The following GPHN variants were observed in gnomAD, a reference collection of about 807,000 sequenced individuals.
GPHN encodes gephyrin.
In GPHN, 17 loss-of-function variants were observed where a neutral mutation model predicts 95.5. The ratio of observed to expected loss-of-function variants is 0.18; its 90% CI spans 0.12 to 0.27. The LOEUF (loss-of-function observed/expected upper bound fraction) is 0.27, where lower values mean the gene tolerates loss of function less well. Ranked by LOEUF, GPHN falls within the 10% of genes least tolerant of loss-of-function variation. The pLI is 1.00. For synonymous variants in GPHN, 320 were observed against 322.5 expected (o/e 0.99, Z 0.08); for missense variants, 660 against 978.1 (o/e 0.67, Z 4.34).
At chr14:67,305,596 A>C in the GPHN span, among the ~76,000 whole-genome samples, 3 of 152,190 alleles carry the variant, frequency 2.0e-5, no homozygotes, top group African/African-American at 4.8e-5. Flanking sequence ...ATGTTTTCTC[A>C]ACATTTTTTT....
the GPHN span, chr14:67,650,850 T>C: frequency 1.9e-6 from 3 of 1,614,200 alleles, no homozygotes; most frequent in Middle Eastern, 1.6e-4. Context: ...GGAGGGCATA[T>C]TGTCTATGAC....
At chr14:67,463,547 G>C in the GPHN span, among the ~76,000 whole-genome samples, 1 of 150,456 alleles carries the variant, frequency 6.6e-6, no homozygotes, top group Admixed American at 6.7e-5. Context: ...GCTGAGGCAG[G>C]AGAATCGCTT....
chr14:66,650,980 T>C (rs74700374), intron 1 of GPHN, among the ~76,000 whole-genome samples: 1,843 of 152,258 alleles, frequency 0.012, 22 homozygotes, highest in Non-Finnish European at 0.018. Context: ...ATTAAAATTA[T>C]CAACCACATT....
chr14:67,111,976 C>A, intron 15 of GPHN, 57 bp downstream of exon 15: 2 of 1,257,028 alleles, frequency 1.6e-6, no homozygotes, highest in African/African-American at 1.5e-5. Context: ...TGATCATTTA[C>A]TCAGGAAACC....
the GPHN span, among the ~76,000 whole-genome samples, chr14:67,231,544 C>T: frequency 2.0e-5 from 3 of 151,932 alleles, no homozygotes; most frequent in East Asian, 1.9e-4. Context: ...GTGATTTTCT[C>T]GCCTCAGCCT....
At chr14:67,454,302 T>C in the GPHN span, 1 of 152,272 alleles carries the variant, frequency 6.6e-6, no homozygotes, top group Non-Finnish European at 1.5e-5. Context: ...TATAAACCTA[T>C]GCACTATGCA....
chr14:67,706,637 T>C, the GPHN span, among the ~76,000 whole-genome samples: 1 of 152,228 alleles, frequency 6.6e-6, no homozygotes, highest in Non-Finnish European at 1.5e-5. Flanking sequence ...TACGCATTTA[T>C]CTTAGTGAGC....
chr14:66,807,580 A>C (rs972081828), intron 3 of GPHN, among the ~76,000 whole-genome samples: 1 of 152,200 alleles, frequency 6.6e-6, no homozygotes, highest in Admixed American at 6.5e-5. Flanking sequence ...GTTACTTTCC[A>C]GTACTCCTTT....
chr14:66,951,145 C>T (rs1409176626), intron 8 of GPHN, among the ~76,000 whole-genome samples: 4 of 152,090 alleles, frequency 2.6e-5, no homozygotes. Flanking sequence ...AGGCTGGTCT[C>T]GAATTCCTGA....
chr14:66,624,743 CTG>C (rs2063453900), intron 1 of GPHN, among the ~76,000 whole-genome samples: 1 of 152,184 alleles, frequency 6.6e-6, no homozygotes, highest in South Asian at 2.1e-4. Flanking sequence ...ACACTTGAGA[CTG>C]TATGGGGCTT....
intron 1 of GPHN, among the ~76,000 whole-genome samples, chr14:66,526,552 G>A (rs1467624625): frequency 6.6e-6 from 1 of 152,134 alleles, no homozygotes; most frequent in Non-Finnish European, 1.5e-5. Context: ...TCCTTGTCTT[G>A]TGCTGGTTTT....
At chr14:67,619,893 T>TAAG in the GPHN span, 3 of 936,998 alleles carry the variant, frequency 3.2e-6, no homozygotes, top group Non-Finnish European at 4.6e-6. Context: ...CGCGGGTAGG[T>TAAG]AAGAGCAGCG....
intron 1 of GPHN, among the ~76,000 whole-genome samples, chr14:66,629,508 C>CT (rs1264593354): frequency 6.6e-5 from 10 of 151,622 alleles, no homozygotes; most frequent in South Asian, 2.1e-4. Context: ...TTAGTGTCAA[C>CT]TTTTTTTTAA....
chr14:66,628,956 T>C (rs1369584413), intron 1 of GPHN, among the ~76,000 whole-genome samples: 2 of 150,054 alleles, frequency 1.3e-5, no homozygotes, highest in Admixed American at 6.7e-5. Flanking sequence ...TCCCAGCCAC[T>C]CTGGAGGCTA....
intron 8 of GPHN, among the ~76,000 whole-genome samples, chr14:66,932,463 T>TTTTG (rs2066871523): frequency 1.5e-5 from 2 of 133,598 alleles, no homozygotes; most frequent in Non-Finnish European, 3.2e-5. Context: ...TTTTTTTTTT[T>TTTTG]TTTTTTTTTT....
chr14:66,968,173 C>A (rs1299167432), intron 9 of GPHN, among the ~76,000 whole-genome samples: 1 of 151,496 alleles, frequency 6.6e-6, no homozygotes, highest in Non-Finnish European at 1.5e-5. Context: ...AAATTTGGGG[C>A]CGAGAAGTCC....
At chr14:67,483,310 C>T in the GPHN span, among the ~76,000 whole-genome samples, 2 of 152,174 alleles carry the variant, frequency 1.3e-5, no homozygotes, top group Admixed American at 6.5e-5. Context: ...CACACCTGGC[C>T]GAGCCTACAT....
intron 1 of GPHN, among the ~76,000 whole-genome samples, chr14:66,518,560 A>G (rs2058348279): frequency 6.6e-6 from 1 of 152,188 alleles, no homozygotes; most frequent in South Asian, 2.1e-4. Context: ...CACTGTTCAC[A>G]ATAGCTAAGA....
intron 1 of GPHN, among the ~76,000 whole-genome samples, chr14:66,661,565 G>A (rs1426747368): frequency 1.3e-5 from 2 of 152,196 alleles, no homozygotes; most frequent in Non-Finnish European, 2.9e-5. Flanking sequence ...TCCAGCCTGT[G>A]GGCTTTGGAG....
Sources: gnomAD v4.1 joint callset for allele counts (sites outside exome capture counted in the v4.1 genomes callset) on GRCh38, gnomAD v4.1.1 for gene constraint, MANE v1.5 for transcripts, NCBI Gene and HGNC (gene_info 2026-07-23, HGNC 2026-07-21) for gene names.